SLC44A2: variants seen among roughly 807,000 people sequenced by gnomAD.
The protein encoded by SLC44A2 is choline transporter-like protein 2.
Under a neutral mutation model 90.8 loss-of-function variants are expected in SLC44A2, and 57 were observed. The ratio of observed to expected loss-of-function variants is 0.63; its 90% CI spans 0.51 to 0.78. The LOEUF (loss-of-function observed/expected upper bound fraction) is 0.78, where lower values mean the gene tolerates loss of function less well. SLC44A2 is among the 30% of genes least tolerant of loss of function. The pLI is 0.00. For missense variants in SLC44A2, 794 were observed against 919.7 expected (o/e 0.86, Z 1.77); for synonymous variants, 355 against 360.7 (o/e 0.98, Z 0.18).
intron 4 of SLC44A2, among the ~76,000 whole-genome samples, chr19:10,628,696 C>G (rs2144849582): frequency 6.6e-6 from 1 of 152,254 alleles, no homozygotes; most frequent in South Asian, 2.1e-4. Flanking sequence ...GCGGGAGAGA[C>G]TGAGAGGGGA....
intron 1 of SLC44A2, among the ~76,000 whole-genome samples, chr19:10,616,770 T>A (rs2066858333): frequency 6.6e-6 from 1 of 151,784 alleles, no homozygotes; most frequent in Non-Finnish European, 1.5e-5. Flanking sequence ...AGAGACTGGG[T>A]CTTGCTCTGT....
rs199571510 is a variant in SLC44A2 at position 10,643,392 on chromosome 19, C to T, written c.*7C>T. 24 of 1,605,340 alleles carry T rather than the reference C, an allele frequency of 1.5e-5. No individual in the cohort carries two copies. Among genetic ancestry groups the T allele is most frequent in the Middle Eastern group, 1.7e-4 (1 of 6,054 alleles). On this transcript the variant is annotated 3_prime_UTR_variant, in exon 22 of 22. Transcript: ENST00000335757. ...GAAGGCAGCGGAGTCCTGAAGGCCC[C>T]GTGCTCCCCACCTCTCAAGGAGTCT...
At position 10,632,013 on chromosome 19, in the gene SLC44A2, A is replaced by T. The variant is rs201315324; in HGVS notation, c.711-31A>T. 5.0e-6 allele frequency: 8 copies of T among 1,613,620 alleles called. No individual in the cohort carries two copies. In the African/African-American group the frequency reaches 1.1e-4, roughly 22 times the overall value. ...CCCCTCTAAGCCTGGCTGAGGGTGG[A>T]GTCTGTTCATGACCGTTTTCTTTTC... On this transcript the variant is annotated intron_variant, in intron 9 of 21. Transcript: ENST00000335757.
chr19:10,602,819 C>T (rs1408036881), intron 1 of SLC44A2, among the ~76,000 whole-genome samples: 2 of 152,148 alleles, frequency 1.3e-5, no homozygotes, highest in Non-Finnish European at 2.9e-5. Context: ...CCGGGGAGGT[C>T]CCGTTATCTG....
At chr19:10,641,404 C>CA (rs749092883) in intron 20 of SLC44A2, 4,209 of 346,460 alleles carry the variant, frequency 0.012, 6 homozygotes, top group African/African-American at 0.016. Context: ...AAAAAAAAAA[C>CA]AAAAAAAAAA....
chr19:10,631,047 C>T lies in SLC44A2; in HGVS notation c.246-10C>T, dbSNP rs1386849479. 2 of 1,599,878 alleles carry T rather than the reference C, an allele frequency of 1.3e-6. No individual in the cohort carries two copies. Among genetic ancestry groups the T allele is most frequent in the Non-Finnish European group, 8.5e-7 (1 of 1,171,728 alleles). ...CTTAACAGTTTCCATTCTCCCTTCT[C>T]TAACTCCAGGAACAAACCCTATCTG... On this transcript the variant is annotated splice_polypyrimidine_tract_variant and intron_variant, in intron 4 of 21. Coordinates refer to ENST00000335757, the MANE Select transcript of SLC44A2 (RefSeq NM_020428.4).
At chr19:10,607,602 TG>T (rs1448570331) in intron 1 of SLC44A2, among the ~76,000 whole-genome samples, 43 of 151,600 alleles carry the variant, frequency 2.8e-4, no homozygotes, top group Middle Eastern at 3.4e-3. Flanking sequence ...GCAATCCTCC[TG>T]TACTGGCCTC....
rs781222300 is a variant in SLC44A2, at chr19:10,634,808, T to C, written c.876T>C (p.Ser292=). ...EYSRLRGEAG[S]DVSLVDLGFQ... ...CCCGACTGCGTGGTGAGGCCGGCTC[T>C]GATGTCTCTTTGGTGGACCTCGGCT... The change falls in exon 11 of 22, where the codon TCT becomes TCC. Residue 292 remains serine (S), a synonymous_variant. Coordinates refer to ENST00000335757, the MANE Select transcript of SLC44A2 (RefSeq NM_020428.4). 5 of 1,614,194 alleles carry C rather than the reference T, an allele frequency of 3.1e-6. No individual in the cohort carries two copies. Among genetic ancestry groups the C allele is most frequent in the Non-Finnish European group, 4.2e-6 (5 of 1,180,052 alleles).
chr19:10,634,196 G>A (rs985202499), intron 10 of SLC44A2, among the ~76,000 whole-genome samples: 1 of 132,864 alleles, frequency 7.5e-6, no homozygotes, highest in African/African-American at 2.9e-5. Flanking sequence ...CACCATGTTG[G>A]TCAGGCTGGT....
chr19:10,626,150 G>A, intron 1 of SLC44A2, 103 bp from the exon 2 acceptor site: 1 of 931,618 alleles, frequency 1.1e-6, no homozygotes, highest in Non-Finnish European at 1.8e-6. Context: ...TTTTATTCTT[G>A]CCAAGGCAAA....
chr19:10,627,952 T>C lies in SLC44A2; in HGVS notation c.193T>C (p.Tyr65His). 1.2e-6 allele frequency: 2 copies of C among 1,614,016 alleles called. No homozygotes were observed. The highest frequency in any genetic ancestry group is 1.3e-5 in the African/African-American group (1 of 75,012). ...WTHGDPRKVI[Y>H]PTDSRGEFCG... Reference sequence around the variant, plus strand: ...TCATGGAGACCCTCGAAAGGTGATCTACCCCACTGACAGCCGGGGCGAGTT... The same window carrying C: ...TCATGGAGACCCTCGAAAGGTGATCCACCCCACTGACAGCCGGGGCGAGTT... The change falls in exon 4 of 22, where the codon TAC becomes CAC. Residue 65 changes from tyrosine to histidine, a missense_variant. By Grantham distance (83) the Tyr-to-His change is moderately conservative. Transcript: ENST00000335757.
chr19:10,637,561 A>AGT, intron 16 of SLC44A2, 83 bp from the exon 17 acceptor site: 2 of 1,250,440 alleles, frequency 1.6e-6, no homozygotes, highest in Non-Finnish European at 2.3e-6. Context: ...GACATTGGCA[A>AGT]GTGTGTGTGA....
intron 10 of SLC44A2, among the ~76,000 whole-genome samples, chr19:10,633,971 C>CTTTTTTTTTTTT (rs1599252391): frequency 2.2e-5 from 1 of 45,986 alleles, no homozygotes; most frequent in African/African-American, 1.6e-4. Flanking sequence ...AACCCCATCT[C>CTTTTTTTTTTTT]TATTTTTTTT....
chr19:10,634,733 G>C, intron 10 of SLC44A2, 23 bp from the exon 11 acceptor site: 1 of 1,614,124 alleles, frequency 6.2e-7, no homozygotes, highest in Non-Finnish European at 8.5e-7. Context: ...CTGCTGGACT[G>C]AGCTTGTGGT....
Position 10,636,546 on chromosome 19 carries a change from C to G in SLC44A2, c.1457C>G (p.Pro486Arg). ...GCCCTGCGCAAGCCGGACGACCTGC[C>G]GGCCTTCCCGCTCTTCTCTGCCTTT... is the stretch of plus-strand genomic sequence containing the variant. ...YWALRKPDDL[P>R]AFPLFSAFGR... Residue 486 changes from proline (P) to arginine (R), a missense_variant, in exon 15 of 22, where the codon CCG (proline) becomes CGG (arginine). Physicochemically the swap from Pro to Arg is moderately radical, Grantham distance 103. This residue lies in a region of SLC44A2 where 738 missense variants were observed against 841.1 expected (regional missense o/e 0.88). Transcript: ENST00000335757. 1 of 1,608,056 alleles carries G rather than the reference C, an allele frequency of 6.2e-7. No individual in the cohort carries two copies. The highest frequency in any genetic ancestry group is 8.5e-7 in the Non-Finnish European group (1 of 1,178,932).
chr19:10,639,402 G>C (rs1383863013), intron 20 of SLC44A2, among the ~76,000 whole-genome samples: 1 of 149,424 alleles, frequency 6.7e-6, no homozygotes, highest in Non-Finnish European at 1.5e-5. Context: ...TATAGCACAG[G>C]GAACTGTTTG....
intron 1 of SLC44A2, among the ~76,000 whole-genome samples, chr19:10,607,805 G>C (rs1469084577): frequency 6.7e-6 from 1 of 149,070 alleles, no homozygotes; most frequent in African/African-American, 2.5e-5. Flanking sequence ...GAGTGCAGTG[G>C]CGTGATCTCG....
At chr19:10,623,448 G>A (rs2066906331), upstream of SLC44A2, among the ~76,000 whole-genome samples, 1 of 152,114 alleles carries the variant, frequency 6.6e-6, no homozygotes, top group Non-Finnish European at 1.5e-5. Context: ...TGTACACCCA[G>A]CACTAAATGT....
intron 16 of SLC44A2, chr19:10,637,175 C>A: frequency 4.6e-6 from 1 of 215,580 alleles, no homozygotes; most frequent in Non-Finnish European, 9.4e-6. Context: ...CATGGTGAAA[C>A]CCCGTCTCTA....
Sources: allele counts gnomAD v4.1 joint callset (sites outside exome capture counted in the v4.1 genomes callset), GRCh38; gene constraint gnomAD v4.1.1; regional missense constraint gnomAD v4.1.1; transcripts MANE v1.5; gene names NCBI Gene and HGNC (gene_info 2026-07-23, HGNC 2026-07-21).